The following WASL variants were observed in gnomAD, a reference collection of about 807,000 sequenced individuals.
WASL encodes the protein actin nucleation-promoting factor WASL.
A neutral mutation model predicts 55.5 loss-of-function variants in WASL; 20 were observed. The ratio of observed to expected loss-of-function variants is 0.36; its 90% CI spans 0.25 to 0.52. WASL has a LOEUF of 0.52. WASL is among the 20% of genes least tolerant of loss of function. The probability of loss-of-function intolerance (pLI) is 0.92; values close to 1 mark genes in which losing one functional copy is unlikely to be tolerated. For synonymous variants in WASL, 249 were observed against 217.6 expected, an observed-to-expected ratio of 1.14 and a Z score of -1.27; for missense variants, 504 against 622.5, an observed-to-expected ratio of 0.81 and a Z score of 2.03.
At chr7:123,728,615 G>GCAGATCA (rs1201649219) in intron 1 of WASL, among the ~76,000 whole-genome samples, 1 of 152,154 alleles carries the variant, frequency 6.6e-6, no homozygotes, top group African/African-American at 2.4e-5. Flanking sequence ...GCCGAGGCAG[G>GCAGATCA]CAGATCACGA....
chr7:123,689,029 TC>T lies in WASL; in HGVS notation c.1456+12del, dbSNP rs61383576. ...CTGTCTCTCTCTCTCTCTCTCTCTC[TC>T]TCTCTCTCTACCTGAAGAATGAATG... On this transcript the variant is annotated intron_variant, in intron 10 of 10. Transcript: ENST00000223023. The T allele has an allele frequency of 2.5e-3, 4,021 of 1,599,378 alleles. 61 individuals are homozygous for T. In the African/African-American group the frequency reaches 0.048, roughly 19 times the overall value.
intron 9 of WASL, among the ~76,000 whole-genome samples, chr7:123,689,399 T>A (rs186198022): frequency 3.3e-5 from 5 of 152,338 alleles, no homozygotes; most frequent in African/African-American, 1.2e-4. Context: ...TATGTTTACA[T>A]TCAGATAACA....
chr7:123,729,470 C>T (rs1010018755), intron 1 of WASL, among the ~76,000 whole-genome samples: 1 of 152,096 alleles, frequency 6.6e-6, no homozygotes, highest in Non-Finnish European at 1.5e-5. Flanking sequence ...CACCTGACTG[C>T]TATCAGAGCT....
chr7:123,720,363 T>G (rs769088850), intron 1 of WASL: 1 of 418,382 alleles, frequency 2.4e-6, no homozygotes, highest in Non-Finnish European at 4.6e-6. Flanking sequence ...AAAAAAAAAG[T>G]TGTTATTCAA....
chr7:123,689,702 A>G (rs977080476), intron 9 of WASL, among the ~76,000 whole-genome samples: 3 of 152,160 alleles, frequency 2.0e-5, no homozygotes, highest in Non-Finnish European at 2.9e-5. Context: ...TGAGTTGATC[A>G]ACTTTCAAAA....
chr7:123,708,603 T>C (rs1001579056), intron 2 of WASL, among the ~76,000 whole-genome samples: 6 of 152,136 alleles, frequency 3.9e-5, no homozygotes, highest in Admixed American at 2.0e-4. Flanking sequence ...AATCTGAATA[T>C]ATCTATCATG....
intron 1 of WASL, among the ~76,000 whole-genome samples, chr7:123,737,929 CT>C (rs1482969861): frequency 6.6e-6 from 1 of 152,074 alleles, no homozygotes; most frequent in Non-Finnish European, 1.5e-5. Flanking sequence ...ACAAAAAATA[CT>C]ACAGTATAGA....
chr7:123,706,305 G>A lies in WASL; in HGVS notation c.408C>T (p.Asp136=). The part of the protein sequence containing the change: ...EAKKFRKAVT[D]LLGRRQRKSE... Reference sequence around the variant, plus strand: ...ATTTCCTTTGTCGACGGCCCAAAAGGTCTGTAACTGCTTTTCGAAATTTTT... The same window carrying A: ...ATTTCCTTTGTCGACGGCCCAAAAGATCTGTAACTGCTTTTCGAAATTTTT... Residue 136 remains aspartate, a synonymous_variant, in exon 4 of 11, where the codon GAC becomes GAT. Coordinates refer to ENST00000223023, the MANE Select transcript of WASL (RefSeq NM_003941.4). The A allele has an allele frequency of 6.2e-7, 1 of 1,613,606 alleles. No individual in the cohort carries two copies. Among genetic ancestry groups the A allele is most frequent in the Non-Finnish European group, 8.5e-7 (1 of 1,179,764 alleles).
At chr7:123,729,070 T>C (rs1317444575) in intron 1 of WASL, among the ~76,000 whole-genome samples, 2 of 152,178 alleles carry the variant, frequency 1.3e-5, no homozygotes, top group East Asian at 1.9e-4. Context: ...GTCGTCATTA[T>C]TACTCTGTGA....
chr7:123,684,213 A>C lies in WASL; in HGVS notation c.*306T>G. On this transcript the variant is annotated 3_prime_UTR_variant, in exon 11 of 11. Coordinates refer to ENST00000223023, the MANE Select transcript of WASL (RefSeq NM_003941.4). ...CTGGCATTATAAGTAAATTACATTA[A>C]GGTTTTTGTCAGTCTCACATATAGT... 6.3e-6 allele frequency: 1 copy of C among 158,510 alleles called. No individual in the cohort carries two copies. The highest frequency in any genetic ancestry group is 1.8e-4 in the East Asian group (1 of 5,702). The allele number at this position is 158,510 out of a possible 1,614,324, so 9.8% of individuals were successfully genotyped here.
intron 1 of WASL, among the ~76,000 whole-genome samples, chr7:123,711,078 T>A (rs947172084): frequency 2.6e-5 from 4 of 152,108 alleles, no homozygotes; most frequent in Non-Finnish European, 4.4e-5. Context: ...AAAATGAAGA[T>A]CTAAAAATCT....
At chr7:123,717,591 C>T (rs1192107735) in intron 1 of WASL, among the ~76,000 whole-genome samples, 5 of 152,176 alleles carry the variant, frequency 3.3e-5, no homozygotes, top group Non-Finnish European at 7.3e-5. Context: ...ACTACATGGA[C>T]ACTTCAGGGG....
intron 1 of WASL, among the ~76,000 whole-genome samples, chr7:123,724,286 C>A (rs972878821): frequency 3.3e-5 from 5 of 152,064 alleles, no homozygotes; most frequent in Non-Finnish European, 4.4e-5. Flanking sequence ...TCAGAGATAG[C>A]AGCCAATTAA....
In WASL at chr7:123,682,128, T is replaced by C. The variant is rs1360543744; in HGVS notation, c.*2391A>G. On this transcript the variant is annotated 3_prime_UTR_variant, in exon 11 of 11. Transcript: ENST00000223023. ...CAATATGTGGCTAGCTGAAATTGTC[T>C]ATCACGTAGCATTTAGATATAAAAA... 2.6e-5 allele frequency: 4 copies of C among 152,174 alleles called. No homozygotes were observed. The highest frequency in any genetic ancestry group is 5.9e-5 in the Non-Finnish European group (4 of 68,012). 9.4% of individuals were successfully genotyped at this position (152,174 alleles called of 1,614,324 possible).
intron 1 of WASL, among the ~76,000 whole-genome samples, chr7:123,728,931 T>C (rs1157640317): frequency 2.0e-5 from 3 of 152,150 alleles, no homozygotes; most frequent in East Asian, 1.9e-4. Context: ...TGGGTGTGTG[T>C]TTGCTGAGAG....
At chr7:123,716,790 G>C (rs1803851138) in intron 1 of WASL, among the ~76,000 whole-genome samples, 1 of 152,034 alleles carries the variant, frequency 6.6e-6, no homozygotes, top group Non-Finnish European at 1.5e-5. Flanking sequence ...GTTGCTGGTG[G>C]GATGTGGGTA....
intron 1 of WASL, among the ~76,000 whole-genome samples, chr7:123,727,353 T>TCACACA (rs150375537): frequency 0.18 from 27,274 of 147,666 alleles, 2,550 homozygotes; most frequent in South Asian, 0.3. Context: ...AAAATATGTG[T>TCACACA]CACACACACA....
intron 1 of WASL, among the ~76,000 whole-genome samples, chr7:123,727,751 T>G (rs1200077580): frequency 1.3e-5 from 2 of 152,220 alleles, no homozygotes; most frequent in African/African-American, 4.8e-5. Flanking sequence ...ATGGTCATAC[T>G]CTGTATCATT....
intron 1 of WASL, among the ~76,000 whole-genome samples, chr7:123,716,564 T>C (rs937735240): frequency 1.3e-5 from 2 of 150,808 alleles, no homozygotes; most frequent in Non-Finnish European, 3.0e-5. Context: ...TTAACATTAC[T>C]AGTGGAGCCC....
Sources: allele counts gnomAD v4.1 joint callset (sites outside exome capture counted in the v4.1 genomes callset), GRCh38; gene constraint gnomAD v4.1.1; transcripts MANE v1.5; gene names NCBI Gene and HGNC (gene_info 2026-07-23, HGNC 2026-07-21).